Variants in CNTNAP3B observed in about 807,000 individuals in gnomAD.
CNTNAP3B encodes contactin associated protein family member 3B.
In CNTNAP3B, 25 loss-of-function variants were observed where a neutral mutation model predicts 108.9. That is an observed-to-expected ratio of 0.23 (90% CI 0.17 to 0.32). CNTNAP3B has a LOEUF of 0.32. Ranked by LOEUF, CNTNAP3B falls within the 10% of genes least tolerant of loss-of-function variation. The pLI is 1.00. For synonymous variants in CNTNAP3B, 103 were observed against 473.4 expected (o/e 0.22, Z 10.16); for missense variants, 252 against 1,210.4 (o/e 0.21, Z 11.75).
intron 10 of CNTNAP3B, among the ~76,000 whole-genome samples, chr9:41,967,010 T>C (rs1185952233): frequency 6.7e-6 from 1 of 150,094 alleles, no homozygotes; most frequent in Non-Finnish European, 1.5e-5. Flanking sequence ...TAAACATCCA[T>C]TATTTGTGAC....
Position 41,893,935 on chromosome 9 carries a change from T to A in CNTNAP3B, c.*54A>T, listed in dbSNP as rs1823377371. 1.4e-5 allele frequency: 2 copies of A among 142,888 alleles called. No individual in the cohort carries two copies. The highest frequency in any genetic ancestry group is 2.5e-5 in the Non-Finnish European group (2 of 80,714). 8.9% of individuals were successfully genotyped at this position (142,888 alleles called of 1,614,324 possible). ...AGCTGCCAATCAGAAGACTCACTCTTTCTGGTTTTCATGGACTGCGTTTTG... is the reference window on the plus strand; with the variant it reads ...AGCTGCCAATCAGAAGACTCACTCTATCTGGTTTTCATGGACTGCGTTTTG... On this transcript the variant is annotated 3_prime_UTR_variant, in exon 24 of 24. Coordinates refer to ENST00000377561, the MANE Select transcript of CNTNAP3B (RefSeq NM_001201380.3).
At chr9:42,079,067 A>ATT (rs1276056422) in intron 2 of CNTNAP3B, among the ~76,000 whole-genome samples, 1 of 148,434 alleles carries the variant, frequency 6.7e-6, no homozygotes, top group African/African-American at 2.5e-5. Flanking sequence ...CAGCTCACCT[A>ATT]TGTTTACGCA....
At chr9:41,993,293 C>G (rs981941343) in intron 7 of CNTNAP3B, 4 of 119,702 alleles carry the variant, frequency 3.3e-5, no homozygotes, top group African/African-American at 1.0e-4. Context: ...AGTGGTAAAA[C>G]AATTTTCAAA....
At chr9:41,934,100 C>CATAAATATATATATATAT in intron 14 of CNTNAP3B, among the ~76,000 whole-genome samples, 1 of 90,222 alleles carries the variant, frequency 1.1e-5, no homozygotes, top group East Asian at 2.9e-4. Context: ...ATATTTGTTA[C>CATAAATATATATATATAT]ATATATATAT....
Position 42,122,168 on chromosome 9 carries a change from G to T in CNTNAP3B, c.85+6842C>A, listed in dbSNP as rs539482601. On this transcript the variant is annotated intron_variant, in intron 1 of 23. Transcript: ENST00000377561. ...TATAGTTCAAGATGTATTGATAAGC[G>T]TGTTAAGCTTATTTTTATATATGAA... is the stretch of plus-strand genomic sequence containing the variant. 4.3e-5 allele frequency among the ~76,000 whole-genome samples: 6 copies of T among 139,468 alleles called. 2 individuals are homozygous for T. The highest frequency in any genetic ancestry group is 2.2e-4 in the East Asian group (1 of 4,578). The allele number at this position is 139,468 out of a possible 152,430, so 91.5% of individuals were successfully genotyped here.
At chr9:41,958,692 G>A (rs1356851453) in intron 12 of CNTNAP3B, among the ~76,000 whole-genome samples, 2 of 149,652 alleles carry the variant, frequency 1.3e-5, no homozygotes, top group Non-Finnish European at 3.0e-5. Context: ...AGGCAGGTTA[G>A]GCTCTGAAAA....
intron 3 of CNTNAP3B, among the ~76,000 whole-genome samples, chr9:42,035,679 A>G (rs1228591545): frequency 6.6e-6 from 1 of 150,934 alleles, no homozygotes; most frequent in Non-Finnish European, 1.5e-5. Flanking sequence ...TGTTTTAGAG[A>G]CAGGGTTTCA....
At chr9:41,945,380 T>G (rs1234415381) in intron 13 of CNTNAP3B, among the ~76,000 whole-genome samples, 6 of 152,306 alleles carry the variant, frequency 3.9e-5, no homozygotes, top group African/African-American at 1.4e-4. Flanking sequence ...TGTCCATCAA[T>G]GACAGACTGG....
At chr9:42,017,236 A>AAT (rs1826234828) in intron 3 of CNTNAP3B, among the ~76,000 whole-genome samples, 1 of 137,698 alleles carries the variant, frequency 7.3e-6, no homozygotes, top group Admixed American at 7.3e-5. Flanking sequence ...TAAATCTAAC[A>AAT]GTCACAGTCA....
At chr9:41,950,799 C>T (rs1469071509) in intron 13 of CNTNAP3B, among the ~76,000 whole-genome samples, 2 of 124,104 alleles carry the variant, frequency 1.6e-5, no homozygotes, top group Non-Finnish European at 3.2e-5. Flanking sequence ...CTTGCTCTGT[C>T]GCCCAGGCTG....
chr9:42,014,749 C>T (rs1272539031), intron 3 of CNTNAP3B, among the ~76,000 whole-genome samples: 1 of 58,850 alleles, frequency 1.7e-5, no homozygotes, highest in Admixed American at 1.8e-4. Context: ...CGAGATCGTG[C>T]CACTGCACTC....
intron 12 of CNTNAP3B, among the ~76,000 whole-genome samples, chr9:41,957,382 A>T (rs1824893743): frequency 2.1e-5 from 1 of 46,748 alleles, no homozygotes; most frequent in Non-Finnish European, 4.1e-5. Context: ...TAGTTGTGCC[A>T]CTGTACTCAG....
chr9:41,942,932 A>G (rs1445257629), intron 13 of CNTNAP3B, among the ~76,000 whole-genome samples: 8 of 152,368 alleles, frequency 5.3e-5, no homozygotes, highest in Non-Finnish European at 7.3e-5. Context: ...TCCTTTGCCA[A>G]TACAACATGT....
chr9:42,121,871 G>C (rs1354463774), intron 1 of CNTNAP3B, among the ~76,000 whole-genome samples: 1 of 140,498 alleles, frequency 7.1e-6, no homozygotes, highest in African/African-American at 2.8e-5. Flanking sequence ...AAATGAGTCT[G>C]CCAGTTTGTT....
At chr9:41,933,180 C>G (rs1321394657) in intron 14 of CNTNAP3B, among the ~76,000 whole-genome samples, 1 of 152,182 alleles carries the variant, frequency 6.6e-6, no homozygotes, top group African/African-American at 2.4e-5. Context: ...AAGAGGGTAT[C>G]TCAACAGCAG....
intron 17 of CNTNAP3B, among the ~76,000 whole-genome samples, chr9:41,921,094 T>C (rs2117945517): frequency 6.6e-6 from 1 of 152,430 alleles, no homozygotes; most frequent in South Asian, 2.1e-4. Flanking sequence ...GAGATTCCAA[T>C]TCGGTGGGCC....
rs918399333 is a variant in CNTNAP3B at position 42,042,263 on chromosome 9, T to C, written c.391-28738A>G. On this transcript the variant is annotated intron_variant, in intron 3 of 23. Coordinates refer to ENST00000377561, the MANE Select transcript of CNTNAP3B (RefSeq NM_001201380.3). ...AAAAGATCTGCATAGTTTTGGATGG[T>C]ATATATTTAAAATGATCTTCCTGTT... is the stretch of plus-strand genomic sequence containing the variant. Among the ~76,000 whole-genome samples the C allele has an allele frequency of 3.8e-5, 4 of 105,704 alleles. 1 individual carries two copies. The highest frequency in any genetic ancestry group is 1.5e-4 in the African/African-American group (4 of 27,250). 69.3% of individuals were successfully genotyped at this position (105,704 alleles called of 152,430 possible).
rs1588043707 is a variant in CNTNAP3B, at chr9:41,926,488, G to A, written c.2366-2395C>T. Reference sequence around the variant, plus strand: ...TTTATTTATTTATTTTAGAGATGAGGTCTCACTTTGTCACCCAGGCTGGAG... The same window carrying A: ...TTTATTTATTTATTTTAGAGATGAGATCTCACTTTGTCACCCAGGCTGGAG... On this transcript the variant is annotated intron_variant, in intron 15 of 23. Coordinates refer to ENST00000377561, the MANE Select transcript of CNTNAP3B (RefSeq NM_001201380.3). Among the ~76,000 whole-genome samples the A allele has an allele frequency of 7.2e-5, 11 of 152,392 alleles. No homozygotes were observed. In the South Asian group the frequency reaches 2.1e-3, roughly 29 times the overall value.
At chr9:42,024,759 G>A (rs1298277978) in intron 3 of CNTNAP3B, among the ~76,000 whole-genome samples, 2 of 143,046 alleles carry the variant, frequency 1.4e-5, no homozygotes, top group Non-Finnish European at 3.0e-5. Context: ...CAACTCAAAG[G>A]TTTCCTCATT....
Sources: gnomAD v4.1 joint callset for allele counts (sites outside exome capture counted in the v4.1 genomes callset) on GRCh38, gnomAD v4.1.1 for gene constraint, MANE v1.5 for transcripts, NCBI Gene and HGNC (gene_info 2026-07-23, HGNC 2026-07-21) for gene names.